Variants in BANP observed in about 807,000 individuals in gnomAD.
BANP encodes protein BANP.
In BANP, 11 loss-of-function variants were observed where a neutral mutation model predicts 68.1. That is an observed-to-expected ratio of 0.16 (90% CI 0.10 to 0.27). BANP has a LOEUF of 0.27. Among genes scored for constraint, BANP ranks in the 10% least tolerant of loss-of-function variants. BANP has a pLI of 1.00. For synonymous variants in BANP, 329 were observed against 303.2 expected (o/e 1.09, Z -0.88); for missense variants, 504 against 722.7 (o/e 0.70, Z 3.47).
At chr16:87,975,247 T>A (rs1450937774) in intron 2 of BANP, 62 bp downstream of exon 2, 24 of 1,519,550 alleles carry the variant, frequency 1.6e-5, no homozygotes, top group Non-Finnish European at 2.2e-5. Context: ...AACCAAAAGC[T>A]GCTCCAGTTA....
At chr16:87,987,331 G>A (rs929982898) in intron 4 of BANP, among the ~76,000 whole-genome samples, 6 of 152,100 alleles carry the variant, frequency 3.9e-5, no homozygotes, top group South Asian at 2.1e-4. Flanking sequence ...TGCCTGCCTC[G>A]GCCTCCCAAA....
At position 88,057,807 on chromosome 16, in the gene BANP, A is replaced by C. The variant is rs977584156; in HGVS notation, c.1312-7460A>C. Among the ~76,000 whole-genome samples, 4 of 150,828 alleles carry C rather than the reference A, an allele frequency of 2.7e-5. No individual in the cohort carries two copies. The highest frequency in any genetic ancestry group is 9.8e-5 in the African/African-American group (4 of 40,764). ...CGCTGGCCCTGTCCCCGCACCCTGGACTCCAGGGCAAGTGGTGCTGGCCGG... is the reference window on the plus strand; with the variant it reads ...CGCTGGCCCTGTCCCCGCACCCTGGCCTCCAGGGCAAGTGGTGCTGGCCGG... On this transcript the variant is annotated intron_variant, in intron 11 of 13. Coordinates refer to ENST00000682872, the MANE Select transcript of BANP (RefSeq NM_001386991.1). This position sits in a 1 kb window ranked among gnomAD's most constrained non-coding sequence, Gnocchi z 4.6.
rs1189736309 is a variant in BANP, at chr16:88,064,515, A to G, written c.1312-752A>G. ...CCTCCCACGGACAGATGCTCCCAGG[A>G]TGCGGCTAGGCGTCCAGGCCAGCAT... On this transcript the variant is annotated intron_variant, in intron 11 of 13. Coordinates refer to ENST00000682872, the MANE Select transcript of BANP (RefSeq NM_001386991.1). The surrounding 1 kb of genome is among the most constrained non-coding windows in gnomAD (Gnocchi z 4.5). Among the ~76,000 whole-genome samples, 1 of 152,250 alleles carries G rather than the reference A, an allele frequency of 6.6e-6. No individual in the cohort carries two copies. Among genetic ancestry groups the G allele is most frequent in the Non-Finnish European group, 1.5e-5 (1 of 68,044 alleles).
intron 12 of BANP, among the ~76,000 whole-genome samples, chr16:88,065,719 AG>A (rs1240591087): frequency 1.3e-5 from 2 of 152,110 alleles, no homozygotes; most frequent in African/African-American, 4.8e-5. Flanking sequence ...AGGAGGGAGG[AG>A]AGCAGGGACC....
rs969127577 is a variant in BANP at position 87,957,971 on chromosome 16, G to C, written c.-69+6456G>C. On this transcript the variant is annotated intron_variant, in intron 1 of 13. Transcript: ENST00000682872. This position sits in a 1 kb window ranked among gnomAD's most constrained non-coding sequence, Gnocchi z 4.3. ...AGCAGAGTGCTGCCGCTGCCAGTCT[G>C]CGTTTTCTGCCGAAATGCGTCCCTG... Among the ~76,000 whole-genome samples, 5 of 152,172 alleles carry C rather than the reference G, an allele frequency of 3.3e-5. No individual in the cohort carries two copies. Among genetic ancestry groups the C allele is most frequent in the Non-Finnish European group, 5.9e-5 (4 of 68,036 alleles).
intron 11 of BANP, among the ~76,000 whole-genome samples, chr16:88,053,203 A>G (rs1424156132): frequency 6.6e-6 from 1 of 151,486 alleles, no homozygotes; most frequent in African/African-American, 2.4e-5. Flanking sequence ...CACCACTATC[A>G]TCTCCATCAT....
chr16:88,052,894 A>G lies in BANP; in HGVS notation c.1312-12373A>G, dbSNP rs539013920. Among the ~76,000 whole-genome samples the G allele has an allele frequency of 1.1e-4, 16 of 151,144 alleles. No individual in the cohort carries two copies. In the East Asian group the frequency reaches 2.3e-3, roughly 22 times the overall value. On this transcript the variant is annotated intron_variant, in intron 11 of 13. Transcript: ENST00000682872. The stretch of plus-strand genomic sequence containing the variant: ...CACTACCACCACCACCTTCTTCACT[A>G]TCATCTCCATCATCATCACCAACAC...
intron 6 of BANP, 31 bp downstream of exon 6, chr16:88,006,296 G>A: frequency 6.4e-7 from 1 of 1,555,668 alleles, no homozygotes; most frequent in Non-Finnish European, 8.7e-7. Context: ...CTCGGCCAGA[G>A]CGCCAGTACA....
chr16:87,956,945 C>A (rs1010995661), intron 1 of BANP: 5 of 152,206 alleles, frequency 3.3e-5, no homozygotes, highest in African/African-American at 9.7e-5. Context: ...ACCCCGGGGC[C>A]TCCGTGGCAG....
At chr16:88,016,424 C>T (rs2074566741) in intron 6 of BANP, among the ~76,000 whole-genome samples, 1 of 152,198 alleles carries the variant, frequency 6.6e-6, no homozygotes, top group Admixed American at 6.5e-5. Flanking sequence ...GACTGGACCA[C>T]TCCTGCCTTG....
At chr16:88,054,807 A>G (rs1359267529) in intron 11 of BANP, among the ~76,000 whole-genome samples, 1 of 152,188 alleles carries the variant, frequency 6.6e-6, no homozygotes, top group Non-Finnish European at 1.5e-5. Context: ...CTTAGGTGTG[A>G]TAGAAATGGA....
At chr16:88,075,090 A>ATT (rs2091300065) in intron 13 of BANP, among the ~76,000 whole-genome samples, 1 of 152,174 alleles carries the variant, frequency 6.6e-6, no homozygotes. Flanking sequence ...TCACGCCTGT[A>ATT]ATCCCAGCAT....
At chr16:87,968,683 A>G (rs931282449) in intron 1 of BANP, among the ~76,000 whole-genome samples, 2 of 152,028 alleles carry the variant, frequency 1.3e-5, no homozygotes, top group African/African-American at 4.8e-5. Flanking sequence ...TGCGCCTGAC[A>G]GGGCCCCTCA....
intron 13 of BANP, among the ~76,000 whole-genome samples, chr16:88,075,260 T>C (rs544781137): frequency 1.1e-4 from 17 of 152,300 alleles, no homozygotes; most frequent in East Asian, 3.9e-4. Context: ...GCAGGAGAAC[T>C]GCTTGAACCC....
At chr16:88,016,239 A>G (rs1221101958) in intron 6 of BANP, among the ~76,000 whole-genome samples, 2 of 152,248 alleles carry the variant, frequency 1.3e-5, no homozygotes, top group Non-Finnish European at 2.9e-5. Context: ...ATGCAGGAGA[A>G]GCATGTGGCG....
At chr16:88,017,609 G>C (rs1400431779) in intron 6 of BANP, among the ~76,000 whole-genome samples, 2 of 152,242 alleles carry the variant, frequency 1.3e-5, no homozygotes, top group Non-Finnish European at 1.5e-5. Flanking sequence ...CCCACGCTTG[G>C]GAGGGAGGGA....
intron 11 of BANP, among the ~76,000 whole-genome samples, chr16:88,063,755 C>G (rs1386272674): frequency 1.3e-5 from 2 of 152,176 alleles, no homozygotes; most frequent in African/African-American, 4.8e-5. Context: ...CCAGCATTGC[C>G]AGTGACAAGA....
In BANP at chr16:87,962,227, G is replaced by A. The variant is rs145180381; in HGVS notation, c.-69+10712G>A. Among the ~76,000 whole-genome samples, 738 of 114,904 alleles carry A rather than the reference G, an allele frequency of 6.4e-3. 6 individuals are homozygous for A. The highest frequency in any genetic ancestry group is 0.024 in the African/African-American group (661 of 27,866). 75.4% of individuals were successfully genotyped at this position (114,904 alleles called of 152,430 possible). ...TGCACTCCAGTCTGGGCTACAGAGCGAGACTTGGTCTCAAAAAAAAAAAAA... is the reference window on the plus strand; with the variant it reads ...TGCACTCCAGTCTGGGCTACAGAGCAAGACTTGGTCTCAAAAAAAAAAAAA... On this transcript the variant is annotated intron_variant, in intron 1 of 13. Coordinates refer to ENST00000682872, the MANE Select transcript of BANP (RefSeq NM_001386991.1).
At chr16:88,024,194 C>G (rs904564610) in intron 7 of BANP, among the ~76,000 whole-genome samples, 6 of 152,270 alleles carry the variant, frequency 3.9e-5, no homozygotes, top group Non-Finnish European at 5.9e-5. Context: ...CCCGTCTCCC[C>G]GAGCACCTCT....
Sources: allele counts gnomAD v4.1 joint callset (sites outside exome capture counted in the v4.1 genomes callset), GRCh38; gene constraint gnomAD v4.1.1; non-coding constraint Gnocchi (gnomAD v3.1); transcripts MANE v1.5; gene names NCBI Gene and HGNC (gene_info 2026-07-23, HGNC 2026-07-21).